Variants in CCDC39 observed in about 807,000 individuals in gnomAD.
The protein encoded by CCDC39 is coiled-coil domain 39 molecular ruler complex subunit, also known as coiled-coil domain-containing protein 39.
A neutral mutation model predicts 121.0 loss-of-function variants in CCDC39; 113 were observed. The observed-to-expected ratio is 0.93, with a 90% CI of 0.80 to 1.09. The LOEUF is 1.09. Ranked by LOEUF, CCDC39 falls within the 50% of genes least tolerant of loss-of-function variation. The probability of loss-of-function intolerance (pLI) is 0.00; values close to 1 mark genes in which losing one functional copy is unlikely to be tolerated. For synonymous variants in CCDC39, 349 were observed against 352.2 expected (o/e 0.99, Z 0.10); for missense variants, 1,063 against 1,074.7 (o/e 0.99, Z 0.15).
At chr3:180,647,046 T>G (rs749305957) in intron 11 of CCDC39, 33 bp downstream of exon 11, 1 of 1,589,154 alleles carries the variant, frequency 6.3e-7, no homozygotes, top group Non-Finnish European at 8.6e-7. Context: ...GACTAGGATA[T>G]TTGAAATATA....
In CCDC39 at chr3:180,660,634, GC is replaced by G. The variant is rs1553805885; in HGVS notation, c.451del (p.Ala151LeufsTer24). On this transcript the variant is annotated frameshift_variant, in exon 4 of 20. Coordinates refer to ENST00000476379, the MANE Select transcript of CCDC39 (RefSeq NM_181426.2). LOFTEE classifies it high-confidence loss of function. ...AGTGAGAGCATCACTATCTTTATGA[GC>G]TGATTCTTCTAACCAGGCCTCCAAT... ...QALEAWLEES[A>X]HKDSDALTLQ... 12 of 1,602,752 alleles carry G rather than the reference GC, an allele frequency of 7.5e-6. No individual in the cohort carries two copies. The highest frequency in any genetic ancestry group is 1.0e-5 in the Non-Finnish European group (12 of 1,173,736).
At chr3:180,666,099 A>G (rs1711866903) in intron 1 of CCDC39, among the ~76,000 whole-genome samples, 2 of 152,102 alleles carry the variant, frequency 1.3e-5, no homozygotes, top group Admixed American at 6.6e-5. Context: ...CTGAACCTCT[A>G]TACAGATAAA....
At chr3:180,677,168 TTATATATATATATA>T (rs58408770) in intron 1 of CCDC39, among the ~76,000 whole-genome samples, 3,600 of 35,168 alleles carry the variant, frequency 0.1, 202 homozygotes, top group Middle Eastern at 0.19. Flanking sequence ...AATAATAATT[TTATATATATATATA>T]TATATATATA....
Position 180,624,690 on chromosome 3 carries a change from G to A in CCDC39, c.1999-4720C>T, listed in dbSNP as rs150169897. On this transcript the variant is annotated intron_variant, in intron 14 of 19. Transcript: ENST00000476379. ...CTTAGAGGACCAGTCTAGTGGTGAA[G>A]AATTCCCTTAGTGTTTGCTTTGCTG... Among the ~76,000 whole-genome samples, 1,242 of 152,274 alleles carry A rather than the reference G, an allele frequency of 8.2e-3. 9 individuals carry two copies. The highest frequency in any genetic ancestry group is 0.012 in the Non-Finnish European group (815 of 68,012).
chr3:180,618,364 T>C (rs916383356), intron 16 of CCDC39, among the ~76,000 whole-genome samples: 1 of 152,198 alleles, frequency 6.6e-6, no homozygotes, highest in Non-Finnish European at 1.5e-5. Context: ...GTATCTCTTC[T>C]GCTTTATTAG....
chr3:180,616,134 C>A, intron 19 of CCDC39, 147 bp downstream of exon 19: 1 of 682,884 alleles, frequency 1.5e-6, no homozygotes, highest in South Asian at 1.7e-5. Context: ...CTATATGATG[C>A]TGACTAGTGA....
At chr3:180,645,465 C>T (rs926231309) in intron 11 of CCDC39, among the ~76,000 whole-genome samples, 21 of 152,056 alleles carry the variant, frequency 1.4e-4, no homozygotes, top group Admixed American at 1.4e-3. Flanking sequence ...CTCTCTTCCT[C>T]CCTCTATCCG....
intron 14 of CCDC39, among the ~76,000 whole-genome samples, chr3:180,629,327 G>T (rs2108411806): frequency 6.6e-6 from 1 of 152,326 alleles, no homozygotes; most frequent in Non-Finnish European, 1.5e-5. Flanking sequence ...CTACAGAGCA[G>T]AGTTGTATTT....
chr3:180,669,431 T>C (rs1412180663), intron 1 of CCDC39, among the ~76,000 whole-genome samples: 1 of 152,138 alleles, frequency 6.6e-6, no homozygotes, highest in Non-Finnish European at 1.5e-5. Context: ...ACTGAAACTT[T>C]TATCATATTG....
intron 1 of CCDC39, among the ~76,000 whole-genome samples, chr3:180,666,575 T>C (rs543228001): frequency 6.6e-6 from 1 of 152,334 alleles, no homozygotes; most frequent in Non-Finnish European, 1.5e-5. Context: ...TACAGCTTTA[T>C]GACTTTTATT....
At position 180,654,830 on chromosome 3, in the gene CCDC39, G is replaced by A. The variant is rs1458123630; in HGVS notation, c.862C>T (p.Arg288Cys). The A allele has an allele frequency of 1.9e-6, 3 of 1,609,864 alleles. No individual in the cohort carries two copies. Among genetic ancestry groups the A allele is most frequent in the South Asian group, 1.1e-5 (1 of 90,120 alleles). Reference sequence around the variant, plus strand: ...GCCGTTCTACATTTTAAAAGTTTACGATCAGCCACAGAAATTCTTTTCTCA... The same window carrying A: ...GCCGTTCTACATTTTAAAAGTTTACAATCAGCCACAGAAATTCTTTTCTCA... ...EFEKRISVAD[R>C]KLLKCRTAYQ... Residue 288 changes from arginine (R) to cysteine (C), a missense_variant, in exon 7 of 20, where the codon CGT becomes TGT. Physicochemically the swap from Arg to Cys is radical, Grantham distance 180. Coordinates refer to ENST00000476379, the MANE Select transcript of CCDC39 (RefSeq NM_181426.2).
intron 13 of CCDC39, among the ~76,000 whole-genome samples, chr3:180,636,670 C>T (rs1317953037): frequency 6.6e-6 from 1 of 152,114 alleles, no homozygotes; most frequent in East Asian, 1.9e-4. Context: ...ATCACGTTAC[C>T]CAACTTCGAA....
chr3:180,623,691 C>A (rs1321837104), intron 14 of CCDC39, among the ~76,000 whole-genome samples: 1 of 151,946 alleles, frequency 6.6e-6, no homozygotes, highest in Non-Finnish European at 1.5e-5. Context: ...TTTAAATTTC[C>A]ATCCTGATTT....
chr3:180,642,774 A>C (rs972784132), intron 12 of CCDC39, among the ~76,000 whole-genome samples: 1 of 152,158 alleles, frequency 6.6e-6, no homozygotes, highest in African/African-American at 2.4e-5. Context: ...GATGAAATCA[A>C]CGTAACTACT....
In CCDC39 at chr3:180,662,044, A is replaced by AT. The variant is rs769591521; in HGVS notation, c.211-38dup. On this transcript the variant is annotated intron_variant, in intron 2 of 19. Transcript: ENST00000476379. The stretch of plus-strand genomic sequence containing the variant: ...CACACAAGATAAAAAGGCTTTTAAA[A>AT]TTTTAGAAATTTTGAATACAAATAT... 6.7e-6 allele frequency: 10 copies of AT among 1,499,674 alleles called. No homozygotes were observed. The South Asian group carries it at 1.3e-4, about 20-fold the overall frequency. 92.9% of individuals were successfully genotyped at this position (1,499,674 alleles called of 1,614,324 possible).
At position 180,615,055 on chromosome 3, in the gene CCDC39, ATGTACT is replaced by A. The variant is rs1717178905; in HGVS notation, c.2686_2691del (p.Thr899_Ser900del). On this transcript the variant is annotated inframe_deletion, in exon 20 of 20. Transcript: ENST00000476379. ...ACTTTAATTGAAGACTGAGAAGTAG[ATGTACT>A]TGTACTCCTAGATGACCTAGAAGAA... The A allele has an allele frequency of 3.9e-6, 6 of 1,547,706 alleles. No individual in the cohort carries two copies. The highest frequency in any genetic ancestry group is 4.4e-6 in the Non-Finnish European group (5 of 1,147,082).
chr3:180,649,593 C>T (rs1325146604), intron 9 of CCDC39, among the ~76,000 whole-genome samples: 1 of 151,944 alleles, frequency 6.6e-6, no homozygotes, highest in African/African-American at 2.4e-5. Flanking sequence ...GTTTTAAAGC[C>T]AATGCTTCGT....
intron 6 of CCDC39, among the ~76,000 whole-genome samples, chr3:180,657,639 C>A (rs956901428): frequency 1.3e-5 from 2 of 152,306 alleles, no homozygotes; most frequent in East Asian, 3.8e-4. Flanking sequence ...CCTAATAATG[C>A]CTCAGCAGAT....
chr3:180,659,874 T>G, intron 4 of CCDC39, 105 bp from the exon 5 acceptor site: 1 of 635,578 alleles, frequency 1.6e-6, no homozygotes, highest in Non-Finnish European at 2.5e-6. Flanking sequence ...TTTACATTTA[T>G]TTTATATCTA....
Sources: gnomAD v4.1 joint callset for allele counts (sites outside exome capture counted in the v4.1 genomes callset) on GRCh38, gnomAD v4.1.1 for gene constraint, MANE v1.5 for transcripts, NCBI Gene and HGNC (gene_info 2026-07-23, HGNC 2026-07-21) for gene names.